The following NKAIN2 variants were observed in gnomAD, a reference collection of about 807,000 sequenced individuals.
The protein encoded by NKAIN2 is sodium/potassium transporting ATPase interacting 2.
A neutral mutation model predicts 32.6 loss-of-function variants in NKAIN2; 14 were observed. The observed-to-expected ratio is 0.43, with a 90% confidence interval of 0.28 to 0.67. The LOEUF (loss-of-function observed/expected upper bound fraction) is 0.67, where lower values mean the gene tolerates loss of function less well. NKAIN2 is among the 30% of genes least tolerant of loss of function. The pLI is 0.17. For synonymous variants in NKAIN2, 80 were observed against 87.2 expected (o/e 0.92, Z 0.46); for missense variants, 198 against 258.3 (o/e 0.77, Z 1.60).
chr6:124,239,161 A>G (rs1792939333), intron 1 of NKAIN2, among the ~76,000 whole-genome samples: 1 of 152,244 alleles, frequency 6.6e-6, no homozygotes, highest in South Asian at 2.1e-4. Context: ...AAGGAAGGGC[A>G]TTACATAATG....
At position 124,750,532 on chromosome 6, in the gene NKAIN2, GAT is replaced by G. The variant is rs1562362491; in HGVS notation, c.475-40806_475-40805del. Among the ~76,000 whole-genome samples, 6 of 151,800 alleles carry G rather than the reference GAT, an allele frequency of 4.0e-5. No individual in the cohort carries two copies. The East Asian group carries it at 9.8e-4, about 25-fold the overall frequency. On this transcript the variant is annotated intron_variant, in intron 4 of 6. Transcript: ENST00000368417. Reference sequence around the variant, plus strand: ...GGATGGATGGATGGATGGATGGATGGATGGATGGATGGATATGAGATAAATGT... The same window carrying G: ...GGATGGATGGATGGATGGATGGATGGGGATGGATGGATATGAGATAAATGT...
In NKAIN2 at chr6:123,997,033, G is replaced by T. The variant is rs995537067; in HGVS notation, c.54+192779G>T. Among the ~76,000 whole-genome samples the T allele has an allele frequency of 1.6e-4, 24 of 152,056 alleles. 1 individual carries two copies. Among genetic ancestry groups the T allele is most frequent in the Non-Finnish European group, 3.5e-4 (24 of 68,010 alleles). On this transcript the variant is annotated intron_variant, in intron 1 of 6. Transcript: ENST00000368417. ...AGATTTTGTCCTTAAAATAATATTGGCAATTTGATATAATTGAGCTATGTA... is the reference window on the plus strand; with the variant it reads ...AGATTTTGTCCTTAAAATAATATTGTCAATTTGATATAATTGAGCTATGTA...
At chr6:124,704,382 T>C (rs1188715261) in intron 4 of NKAIN2, among the ~76,000 whole-genome samples, 1 of 151,854 alleles carries the variant, frequency 6.6e-6, no homozygotes, top group Non-Finnish European at 1.5e-5. Flanking sequence ...AAATAAACAA[T>C]GTAAGTTGAA....
At chr6:124,331,370 A>AAAAAAAAAAC (rs1562494296) in intron 2 of NKAIN2, among the ~76,000 whole-genome samples, 27 of 144,502 alleles carry the variant, frequency 1.9e-4, no homozygotes, top group African/African-American at 6.0e-4. Flanking sequence ...AAAAAAAAAA[A>AAAAAAAAAAC]AAAAAAAAAC....
intron 2 of NKAIN2, among the ~76,000 whole-genome samples, chr6:124,333,342 A>T (rs1797739670): frequency 6.6e-6 from 1 of 152,116 alleles, no homozygotes; most frequent in Non-Finnish European, 1.5e-5. Flanking sequence ...CATTCTGCCT[A>T]CCACACTTAA....
chr6:124,727,862 G>C (rs1776415672), intron 4 of NKAIN2, among the ~76,000 whole-genome samples: 2 of 149,172 alleles, frequency 1.3e-5, no homozygotes, highest in Non-Finnish European at 3.0e-5. Flanking sequence ...GATGGAGGAA[G>C]ATCTACCAAG....
At chr6:124,191,058 T>G (rs1396853472) in intron 1 of NKAIN2, among the ~76,000 whole-genome samples, 2 of 152,202 alleles carry the variant, frequency 1.3e-5, no homozygotes, top group Non-Finnish European at 2.9e-5. Flanking sequence ...GGTTCACGCT[T>G]GCTGTTGTAC....
At chr6:123,903,002 A>G (rs1252014610) in intron 1 of NKAIN2, among the ~76,000 whole-genome samples, 1 of 152,236 alleles carries the variant, frequency 6.6e-6, no homozygotes, top group Non-Finnish European at 1.5e-5. Flanking sequence ...ATCAGCTGGT[A>G]GTTAGTCATA....
intron 1 of NKAIN2, among the ~76,000 whole-genome samples, chr6:123,885,063 T>C (rs984014679): frequency 6.6e-6 from 1 of 152,164 alleles, no homozygotes; most frequent in Non-Finnish European, 1.5e-5. Flanking sequence ...GAAGTAATAA[T>C]ATACTCACAA....
At chr6:124,516,199 A>G (rs1007150916) in intron 3 of NKAIN2, among the ~76,000 whole-genome samples, 13 of 152,162 alleles carry the variant, frequency 8.5e-5, no homozygotes, top group African/African-American at 2.7e-4. Flanking sequence ...GATAAGTGCT[A>G]TAAAAAGAGA....
chr6:124,100,070 G>A lies in NKAIN2; in HGVS notation c.55-182935G>A, dbSNP rs118106910. 2.2e-3 allele frequency among the ~76,000 whole-genome samples: 335 copies of A among 152,304 alleles called. 2 individuals carry two copies. The highest frequency in any genetic ancestry group is 3.7e-3 in the Non-Finnish European group (251 of 68,024). On this transcript the variant is annotated intron_variant, in intron 1 of 6. Coordinates refer to ENST00000368417, the MANE Select transcript of NKAIN2 (RefSeq NM_001040214.3). ...TAAATCCTGTGCAAGTTAAGGAAAT[G>A]TTCTCTTACATGTTAAAATTGAACA...
At chr6:124,269,614 C>T (rs942329523) in intron 1 of NKAIN2, among the ~76,000 whole-genome samples, 1 of 151,836 alleles carries the variant, frequency 6.6e-6, no homozygotes, top group African/African-American at 2.4e-5. Context: ...ATTACAGGTG[C>T]CTGCCACCAC....
rs75924617 is a variant in NKAIN2 at position 124,122,856 on chromosome 6, T to TA, written c.55-160143dup. Among the ~76,000 whole-genome samples the TA allele has an allele frequency of 3.3e-5, 5 of 152,030 alleles. No homozygotes were observed. In the East Asian group the frequency reaches 7.7e-4, roughly 23 times the overall value. On this transcript the variant is annotated intron_variant, in intron 1 of 6. Coordinates refer to ENST00000368417, the MANE Select transcript of NKAIN2 (RefSeq NM_001040214.3). ...AAGTATCTGGTGTCTACATTCATGT[T>TA]AAAAAACAACAACAACAACAACAAA...
chr6:124,797,065 A>T lies in NKAIN2; in HGVS notation c.535+5666A>T, dbSNP rs149449766. On this transcript the variant is annotated intron_variant, in intron 5 of 6. Transcript: ENST00000368417. Reference sequence around the variant, plus strand: ...CCACTGCAGTTGGATGTCCACTCACAGTGATAGAATCAGGAACTGTCCTCA... The same window carrying T: ...CCACTGCAGTTGGATGTCCACTCACTGTGATAGAATCAGGAACTGTCCTCA... 2.6e-5 allele frequency among the ~76,000 whole-genome samples: 4 copies of T among 151,762 alleles called. No individual in the cohort carries two copies. In the East Asian group the frequency reaches 7.8e-4, roughly 30 times the overall value.
chr6:123,921,279 C>T (rs193003317), intron 1 of NKAIN2, among the ~76,000 whole-genome samples: 21 of 152,214 alleles, frequency 1.4e-4, no homozygotes, highest in East Asian at 7.7e-4. Context: ...AGGCTTTTTC[C>T]GTTGTCGAAC....
chr6:124,098,332 C>T (rs190539822), intron 1 of NKAIN2, among the ~76,000 whole-genome samples: 1 of 152,194 alleles, frequency 6.6e-6, no homozygotes, highest in East Asian at 1.9e-4. Flanking sequence ...ATTTGAATGT[C>T]TCACACGAGG....
At chr6:124,042,315 G>T (rs1444643422) in intron 1 of NKAIN2, among the ~76,000 whole-genome samples, 4 of 152,040 alleles carry the variant, frequency 2.6e-5, no homozygotes, top group Non-Finnish European at 5.9e-5. Flanking sequence ...AAACTTAAAA[G>T]TATGGCCCTT....
intron 1 of NKAIN2, among the ~76,000 whole-genome samples, chr6:123,962,365 TATC>T (rs1427467984): frequency 3.9e-5 from 6 of 152,186 alleles, no homozygotes; most frequent in Non-Finnish European, 8.8e-5. Flanking sequence ...CACATTGGAC[TATC>T]ATCATTTCAA....
chr6:124,387,646 C>T (rs1269619692), intron 3 of NKAIN2, among the ~76,000 whole-genome samples: 1 of 151,856 alleles, frequency 6.6e-6, no homozygotes, highest in Non-Finnish European at 1.5e-5. Context: ...TTTTCAAATC[C>T]AGCGTGCTAC....
Sources: gnomAD v4.1 joint callset for allele counts (sites outside exome capture counted in the v4.1 genomes callset) on GRCh38, gnomAD v4.1.1 for gene constraint, MANE v1.5 for transcripts, NCBI Gene and HGNC (gene_info 2026-07-23, HGNC 2026-07-21) for gene names.